The following DNAJB6 variants were observed in gnomAD, a reference collection of about 807,000 sequenced individuals.
DNAJB6 encodes the protein dnaJ homolog subfamily B member 6.
A neutral mutation model predicts 42.7 loss-of-function variants in DNAJB6; 16 were observed. That is an observed-to-expected ratio of 0.37 (90% CI 0.25 to 0.57). The LOEUF is 0.57. Ranked by LOEUF, DNAJB6 falls within the 20% of genes least tolerant of loss-of-function variation. The pLI is 0.74. For synonymous variants in DNAJB6, 170 were observed against 163.5 expected (o/e 1.04, Z -0.30); for missense variants, 347 against 416.8 (o/e 0.83, Z 1.46).
At chr7:157,358,055 A>G (rs1375365877) in intron 1 of DNAJB6, among the ~76,000 whole-genome samples, 1 of 152,140 alleles carries the variant, frequency 6.6e-6, no homozygotes, top group East Asian at 1.9e-4. Context: ...CGTGTGGGTG[A>G]CAGAATGGTG....
intron 5 of DNAJB6, chr7:157,369,157 G>GT (rs1322444958): frequency 5.0e-6 from 2 of 401,958 alleles, no homozygotes; most frequent in South Asian, 1.8e-5. Context: ...CGTGCTCATC[G>GT]TTTAAGTGCA....
chr7:157,392,236 A>C (rs999004450), intron 8 of DNAJB6, among the ~76,000 whole-genome samples: 1 of 151,938 alleles, frequency 6.6e-6, no homozygotes, highest in Non-Finnish European at 1.5e-5. Context: ...CGTCTTGGCT[A>C]TCCAGGGCAA....
chr7:157,413,912 T>C (rs1215742287), intron 9 of DNAJB6: 1 of 151,958 alleles, frequency 6.6e-6, no homozygotes, highest in Admixed American at 6.6e-5. Flanking sequence ...AGTAGAGATG[T>C]GGTTTCTCCA....
chr7:157,339,598 CTTTTGTGTGTGT>C (rs1449766119), intron 1 of DNAJB6, among the ~76,000 whole-genome samples: 14 of 134,312 alleles, frequency 1.0e-4, no homozygotes, highest in South Asian at 2.5e-4. Context: ...CGCGCCCGGC[CTTTTGTGTGTGT>C]GTGTGTGTGT....
chr7:157,360,148 G>A (rs1048303364), intron 2 of DNAJB6, among the ~76,000 whole-genome samples: 1 of 152,234 alleles, frequency 6.6e-6, no homozygotes, highest in Non-Finnish European at 1.5e-5. Flanking sequence ...GGAAGAAAAG[G>A]AGGTTTAATT....
chr7:157,410,470 C>T (rs907761633), intron 9 of DNAJB6: 1 of 219,876 alleles, frequency 4.5e-6, no homozygotes. Context: ...GTCAAGCCTC[C>T]TTGTGAAGCG....
Position 157,345,206 on chromosome 7 carries a change from C to G in DNAJB6, c.-27+8062C>G, listed in dbSNP as rs1036008656. ...ACAGGATTTCACCATGTTGTCCAGACTGGTCTTGAATTCCTGACCTCAGGT... is the reference window on the plus strand; with the variant it reads ...ACAGGATTTCACCATGTTGTCCAGAGTGGTCTTGAATTCCTGACCTCAGGT... On this transcript the variant is annotated intron_variant, in intron 1 of 9. Transcript: ENST00000262177. Among the ~76,000 whole-genome samples, 27 of 151,852 alleles carry G rather than the reference C, an allele frequency of 1.8e-4. 2 individuals are homozygous for G.
chr7:157,351,260 T>C (rs930523836), intron 1 of DNAJB6, among the ~76,000 whole-genome samples: 3 of 152,074 alleles, frequency 2.0e-5, no homozygotes, highest in African/African-American at 7.2e-5. Context: ...GAAAAGAATG[T>C]TAAAGGTCAA....
chr7:157,342,178 T>A (rs1563105991), intron 1 of DNAJB6, among the ~76,000 whole-genome samples: 1 of 147,604 alleles, frequency 6.8e-6, no homozygotes, highest in African/African-American at 2.5e-5. Flanking sequence ...ATAATAATAA[T>A]TTTTTTTGAG....
chr7:157,404,466 CT>C (rs55793060), intron 8 of DNAJB6, among the ~76,000 whole-genome samples: 64,473 of 102,982 alleles, frequency 0.63, 20,981 homozygotes, highest in South Asian at 0.75. Context: ...TAATTTTTGT[CT>C]TTTTTTTTTT....
chr7:157,365,648 C>G (rs1193956054), intron 3 of DNAJB6, among the ~76,000 whole-genome samples: 1 of 152,090 alleles, frequency 6.6e-6, no homozygotes, highest in South Asian at 2.1e-4. Context: ...AAGAAACGAT[C>G]TAATGGAATA....
chr7:157,399,868 C>T (rs561141944), intron 8 of DNAJB6, among the ~76,000 whole-genome samples: 1 of 152,260 alleles, frequency 6.6e-6, no homozygotes, highest in East Asian at 1.9e-4. Context: ...GGGGTTTCAC[C>T]ACGTTGGCCA....
intron 9 of DNAJB6, 52 bp from the exon 10 acceptor site, chr7:157,415,964 C>G: frequency 6.2e-7 from 1 of 1,608,304 alleles, no homozygotes; most frequent in Non-Finnish European, 8.5e-7. Flanking sequence ...TTGGCTCTTG[C>G]TGGGGAAGCA....
At chr7:157,386,380 C>A in intron 8 of DNAJB6, 3 of 919,172 alleles carry the variant, frequency 3.3e-6, no homozygotes, top group Non-Finnish European at 2.6e-6. Context: ...ACTTTAATAG[C>A]GTTTCGTGCT....
intron 9 of DNAJB6, chr7:157,411,350 GC>G (rs1478733989): frequency 2.2e-5 from 3 of 136,328 alleles, no homozygotes; most frequent in South Asian, 2.3e-4. Flanking sequence ...CACTGAGCGG[GC>G]GTGGGGAAGG....
chr7:157,340,839 T>A (rs898685899), intron 1 of DNAJB6, among the ~76,000 whole-genome samples: 1 of 152,108 alleles, frequency 6.6e-6, no homozygotes, highest in Non-Finnish European at 1.5e-5. Context: ...TGGCTAATTT[T>A]TGTATTTTTA....
At chr7:157,360,447 G>A (rs1402228338) in intron 2 of DNAJB6, among the ~76,000 whole-genome samples, 1 of 152,200 alleles carries the variant, frequency 6.6e-6, no homozygotes, top group Non-Finnish European at 1.5e-5. Context: ...CAATGGATAA[G>A]CATAATATGT....
At chr7:157,340,675 TTGAC>T (rs1798314350) in intron 1 of DNAJB6, among the ~76,000 whole-genome samples, 2 of 152,296 alleles carry the variant, frequency 1.3e-5, no homozygotes, top group South Asian at 4.1e-4. Flanking sequence ...TGATGATTAG[TTGAC>T]TGACTGATTT....
At chr7:157,344,686 C>T (rs150735155) in intron 1 of DNAJB6, among the ~76,000 whole-genome samples, 143 of 152,260 alleles carry the variant, frequency 9.4e-4, no homozygotes, top group African/African-American at 3.3e-3. Flanking sequence ...GCGTTCACGT[C>T]TCACTAGCAT....
Sources: gnomAD v4.1 joint callset for allele counts (sites outside exome capture counted in the v4.1 genomes callset) on GRCh38, gnomAD v4.1.1 for gene constraint, MANE v1.5 for transcripts, NCBI Gene and HGNC (gene_info 2026-07-23, HGNC 2026-07-21) for gene names.